EYA4: variants seen among roughly 807,000 people sequenced by gnomAD.
The protein encoded by EYA4 is EYA transcriptional coactivator and phosphatase 4.
A neutral mutation model predicts 87.9 loss-of-function variants in EYA4; 31 were observed. The ratio of observed to expected loss-of-function variants is 0.35; its 90% CI spans 0.27 to 0.48. The LOEUF is 0.48. Among genes scored for constraint, EYA4 ranks in the 20% least tolerant of loss-of-function variants. EYA4 has a pLI of 0.99. For missense variants in EYA4, 678 were observed against 761.4 expected, an observed-to-expected ratio of 0.89 and a Z score of 1.29; for synonymous variants, 263 against 270.6, an observed-to-expected ratio of 0.97 and a Z score of 0.28.
At position 133,468,655 on chromosome 6, in the gene EYA4, C is replaced by T; in HGVS notation, c.894C>T (p.Asn298=). 1 of 1,612,738 alleles carries T rather than the reference C, an allele frequency of 6.2e-7. No homozygotes were observed. The highest frequency in any genetic ancestry group is 8.5e-7 in the Non-Finnish European group (1 of 1,178,980). ...STYGAYMTSN[N]TADGTPSSTS... ...ATGGAGCGTATATGACATCGAATAA[C>T]ACAGCCGATGGCACACCCTCTTCAA... The change falls in exon 11 of 20, where the codon AAC becomes AAT. Residue 298 remains asparagine (N), a synonymous_variant. Transcript: ENST00000355286.
At chr6:133,298,930 T>A (rs1444763905) in intron 2 of EYA4, among the ~76,000 whole-genome samples, 3 of 152,156 alleles carry the variant, frequency 2.0e-5, no homozygotes, top group African/African-American at 7.2e-5. Flanking sequence ...TATCCACAGC[T>A]CTGCTGTGGA....
At chr6:133,518,508 G>A (rs1035538274) in intron 17 of EYA4, among the ~76,000 whole-genome samples, 8 of 152,086 alleles carry the variant, frequency 5.3e-5, no homozygotes, top group African/African-American at 1.9e-4. Context: ...TGGAATGTCA[G>A]AAAAACAGAT....
At chr6:133,414,668 G>C (rs1417169373) in intron 3 of EYA4, among the ~76,000 whole-genome samples, 1 of 152,188 alleles carries the variant, frequency 6.6e-6, no homozygotes, top group Non-Finnish European at 1.5e-5. Flanking sequence ...GTAAACTGGA[G>C]CAATCATAGG....
intron 2 of EYA4, among the ~76,000 whole-genome samples, chr6:133,315,805 A>G (rs75918772): frequency 0.048 from 7,257 of 152,270 alleles, 501 homozygotes; most frequent in African/African-American, 0.15. Context: ...CATTTTTCCA[A>G]CTGCTAAGAT....
chr6:133,483,678 T>TTTTA (rs562842711), intron 13 of EYA4, among the ~76,000 whole-genome samples: 4 of 132,916 alleles, frequency 3.0e-5, no homozygotes, highest in African/African-American at 1.0e-4. Context: ...TTATTTTCTC[T>TTTTA]TTTATTTATT....
intron 2 of EYA4, among the ~76,000 whole-genome samples, chr6:133,368,789 C>T (rs1261307119): frequency 1.3e-5 from 2 of 152,162 alleles, no homozygotes; most frequent in South Asian, 2.1e-4. Context: ...CACCCAGTTT[C>T]GCAGCAGAAG....
intron 2 of EYA4, among the ~76,000 whole-genome samples, chr6:133,378,888 A>C (rs1206216587): frequency 6.7e-6 from 1 of 148,972 alleles, no homozygotes; most frequent in Non-Finnish European, 1.5e-5. Flanking sequence ...TATTTGCAGC[A>C]AGTTGCATTC....
At chr6:133,327,892 G>A (rs1781627847) in intron 2 of EYA4, among the ~76,000 whole-genome samples, 1 of 152,216 alleles carries the variant, frequency 6.6e-6, no homozygotes, top group African/African-American at 2.4e-5. Flanking sequence ...GGGCAGGATA[G>A]TATAAGCGAA....
At chr6:133,411,027 A>C (rs1173470702) in intron 3 of EYA4, among the ~76,000 whole-genome samples, 3 of 139,128 alleles carry the variant, frequency 2.2e-5, no homozygotes, top group Non-Finnish European at 4.5e-5. Flanking sequence ...TCTCAAGCCT[A>C]ATCAGAAGAC....
rs1800845562 is a variant in EYA4, at chr6:133,528,919, A to G, written c.*114A>G. 4 of 1,579,990 alleles carry G rather than the reference A, an allele frequency of 2.5e-6. No individual in the cohort carries two copies. The highest frequency in any genetic ancestry group is 1.7e-6 in the Non-Finnish European group (2 of 1,161,866). ...AAATTGTCTTAATGGATGAAATCATATTTGGAATAAAAATTCCAGAATGAA... is the reference window on the plus strand; with the variant it reads ...AAATTGTCTTAATGGATGAAATCATGTTTGGAATAAAAATTCCAGAATGAA... On this transcript the variant is annotated 3_prime_UTR_variant, in exon 20 of 20. Transcript: ENST00000355286.
At chr6:133,361,074 CT>C (rs1463024111) in intron 2 of EYA4, among the ~76,000 whole-genome samples, 3 of 152,172 alleles carry the variant, frequency 2.0e-5, no homozygotes, top group Non-Finnish European at 4.4e-5. Context: ...TTCATCCAGA[CT>C]AGATTGGGTC....
intron 3 of EYA4, among the ~76,000 whole-genome samples, chr6:133,400,439 C>T (rs999645251): frequency 1.3e-5 from 2 of 149,720 alleles, no homozygotes; most frequent in East Asian, 2.0e-4. Flanking sequence ...ACCCGGGAGG[C>T]GGAGGGTGCA....
intron 17 of EYA4, among the ~76,000 whole-genome samples, chr6:133,517,200 A>G (rs911626733): frequency 3.9e-5 from 6 of 152,128 alleles, no homozygotes; most frequent in African/African-American, 1.2e-4. Context: ...ATAGAGGGGA[A>G]CAACACACAC....
intron 5 of EYA4, among the ~76,000 whole-genome samples, chr6:133,454,909 T>C (rs1448395963): frequency 2.0e-5 from 3 of 152,110 alleles, no homozygotes; most frequent in African/African-American, 7.2e-5. Context: ...CCTGATACGG[T>C]GGAAAGATCC....
chr6:133,430,273 G>A (rs1791073271), intron 3 of EYA4, among the ~76,000 whole-genome samples: 1 of 152,158 alleles, frequency 6.6e-6, no homozygotes, highest in Admixed American at 6.5e-5. Context: ...TTTTAGGTGT[G>A]TGTGTTTAGG....
chr6:133,380,926 TTCC>T lies in EYA4; in HGVS notation c.34-1458_34-1456del, dbSNP rs552837776. On this transcript the variant is annotated intron_variant, in intron 2 of 19. Coordinates refer to ENST00000355286, the MANE Select transcript of EYA4 (RefSeq NM_004100.5). Reference sequence around the variant, plus strand: ...CTCCCGTTACTTCCTTCCTTCCTTTTTCCTCCTCCTTTCTTCCTCTTCTCCCTC... The same window carrying T: ...CTCCCGTTACTTCCTTCCTTCCTTTTTCCTCCTTTCTTCCTCTTCTCCCTC... Among the ~76,000 whole-genome samples the T allele has an allele frequency of 4.0e-3, 595 of 147,106 alleles. 5 individuals are homozygous for T. Among genetic ancestry groups the T allele is most frequent in the African/African-American group, 0.014 (558 of 39,840 alleles).
rs1477812504 is a variant in EYA4 at position 133,434,368 on chromosome 6, C to T, written c.84-12262C>T. 2.0e-5 allele frequency among the ~76,000 whole-genome samples: 3 copies of T among 152,200 alleles called. No homozygotes were observed. The East Asian group carries it at 5.8e-4, about 29-fold the overall frequency. ...TAAGAAAATGATTTTCTTGACACTA[C>T]AAGTTTTCAAATAGACAAACCAGGC... On this transcript the variant is annotated intron_variant, in intron 3 of 19. Transcript: ENST00000355286.
chr6:133,312,756 T>G (rs538914401), intron 2 of EYA4, among the ~76,000 whole-genome samples: 6 of 152,330 alleles, frequency 3.9e-5, no homozygotes, highest in African/African-American at 1.2e-4. Flanking sequence ...AACTCTTTAA[T>G]AGCTTCTTTG....
chr6:133,257,850 CTCAT>C (rs1309837214), intron 1 of EYA4, among the ~76,000 whole-genome samples: 14 of 152,110 alleles, frequency 9.2e-5, no homozygotes, highest in Non-Finnish European at 1.9e-4. Flanking sequence ...TATTTATGCT[CTCAT>C]TCATTCATTC....
Sources: allele counts gnomAD v4.1 joint callset (sites outside exome capture counted in the v4.1 genomes callset), GRCh38; gene constraint gnomAD v4.1.1; transcripts MANE v1.5; gene names NCBI Gene and HGNC (gene_info 2026-07-23, HGNC 2026-07-21).